Variants in ITGBL1 observed in about 807,000 individuals in gnomAD.
ITGBL1 encodes the protein integrin beta-like protein 1.
In ITGBL1, 51 loss-of-function variants were observed where a neutral mutation model predicts 68.5. The observed-to-expected ratio is 0.74, with a 90% CI of 0.59 to 0.94. The LOEUF (loss-of-function observed/expected upper bound fraction) is 0.94. Ranked by LOEUF, ITGBL1 falls within the 40% of genes least tolerant of loss-of-function variation. ITGBL1 has a pLI of 0.00. For missense variants in ITGBL1, 649 were observed against 647.4 expected (o/e 1.00, Z -0.03); for synonymous variants, 209 against 227.3 (o/e 0.92, Z 0.72).
chr13:101,500,284 C>G (rs1236845500), intron 2 of ITGBL1, among the ~76,000 whole-genome samples: 1 of 152,042 alleles, frequency 6.6e-6, no homozygotes, highest in Non-Finnish European at 1.5e-5. Context: ...CCATTGGATT[C>G]CCATTTATAA....
chr13:101,675,378 G>C (rs968177353), intron 7 of ITGBL1, among the ~76,000 whole-genome samples: 2 of 152,096 alleles, frequency 1.3e-5, no homozygotes, highest in East Asian at 1.9e-4. Context: ...AATTATTAAA[G>C]ACTGAATGGC....
chr13:101,590,346 C>T (rs752017103), intron 6 of ITGBL1, among the ~76,000 whole-genome samples: 9 of 152,214 alleles, frequency 5.9e-5, no homozygotes, highest in Non-Finnish European at 8.8e-5. Flanking sequence ...TCCCTTCAGT[C>T]GTGTGTCTCC....
chr13:101,600,034 G>A (rs2030257941), intron 7 of ITGBL1, among the ~76,000 whole-genome samples: 1 of 152,144 alleles, frequency 6.6e-6, no homozygotes, highest in Non-Finnish European at 1.5e-5. Context: ...GGGCAGTATG[G>A]CCATTTTCAC....
intron 7 of ITGBL1, among the ~76,000 whole-genome samples, chr13:101,631,346 A>C (rs2031971483): frequency 6.6e-6 from 1 of 151,796 alleles, no homozygotes; most frequent in East Asian, 1.9e-4. Context: ...TTTCTTTACA[A>C]ATGAAAAGAA....
At chr13:101,671,689 C>T (rs1205644022) in intron 7 of ITGBL1, among the ~76,000 whole-genome samples, 1 of 151,910 alleles carries the variant, frequency 6.6e-6, no homozygotes, top group Non-Finnish European at 1.5e-5. Context: ...CCGCCCACCT[C>T]TGCCTCCCAA....
At chr13:101,606,188 A>ATT (rs1227395149) in intron 7 of ITGBL1, among the ~76,000 whole-genome samples, 2 of 146,048 alleles carry the variant, frequency 1.4e-5, no homozygotes, top group South Asian at 4.2e-4. Flanking sequence ...ATATATATAT[A>ATT]TATAGCCTTA....
chr13:101,645,766 C>T (rs78194732), intron 7 of ITGBL1, among the ~76,000 whole-genome samples: 3,967 of 152,142 alleles, frequency 0.026, 163 homozygotes, highest in African/African-American at 0.09. Flanking sequence ...AACTGCCTCA[C>T]GCAGGAGGGA....
intron 7 of ITGBL1, among the ~76,000 whole-genome samples, chr13:101,674,207 C>T (rs116435752): frequency 1.3e-3 from 197 of 152,346 alleles, no homozygotes; most frequent in African/African-American, 4.3e-3. Context: ...TGCATGCACA[C>T]GCTTCTGTGA....
chr13:101,619,915 T>C lies in ITGBL1; in HGVS notation c.1015+21616T>C, dbSNP rs2031517063. On this transcript the variant is annotated intron_variant, in intron 7 of 10. Transcript: ENST00000376180. ...TCTTAAAATGAAACCAGTCCTCTTATAACTTTTTCCAAAGCACAACTTTAT... is the reference window on the plus strand; with the variant it reads ...TCTTAAAATGAAACCAGTCCTCTTACAACTTTTTCCAAAGCACAACTTTAT... Among the ~76,000 whole-genome samples the C allele has an allele frequency of 2.0e-5, 3 of 152,170 alleles. No individual in the cohort carries two copies. The South Asian group carries it at 6.2e-4, about 32-fold the overall frequency.
intron 3 of ITGBL1, among the ~76,000 whole-genome samples, chr13:101,574,084 A>G (rs1383629547): frequency 1.3e-5 from 2 of 152,142 alleles, no homozygotes; most frequent in East Asian, 3.9e-4. Context: ...TTTTTGTTAC[A>G]TGACAACCAG....
chr13:101,526,609 G>A (rs906283209), intron 2 of ITGBL1, among the ~76,000 whole-genome samples: 14 of 151,876 alleles, frequency 9.2e-5, no homozygotes, highest in African/African-American at 2.9e-4. Context: ...TAGTTTCTAG[G>A]CGCTCTTTTG....
intron 2 of ITGBL1, among the ~76,000 whole-genome samples, chr13:101,540,192 C>T (rs1184810838): frequency 6.6e-6 from 1 of 152,124 alleles, no homozygotes; most frequent in Admixed American, 6.5e-5. Flanking sequence ...TTAGGTCTAA[C>T]ATTTAAGTCT....
intron 6 of ITGBL1, 119 bp from the exon 7 acceptor site, chr13:101,598,034 G>A (rs2139324516): frequency 1.1e-6 from 1 of 907,146 alleles, no homozygotes; most frequent in Non-Finnish European, 1.6e-6. Flanking sequence ...GCCTTAATAT[G>A]TTATATTATG....
chr13:101,629,736 C>T (rs555389140), intron 7 of ITGBL1, among the ~76,000 whole-genome samples: 16 of 152,042 alleles, frequency 1.1e-4, no homozygotes, highest in East Asian at 1.9e-4. Flanking sequence ...TATAGTGGTC[C>T]TTAAATCCGA....
chr13:101,477,036 T>C (rs2048547942), intron 2 of ITGBL1, among the ~76,000 whole-genome samples: 1 of 152,122 alleles, frequency 6.6e-6, no homozygotes, highest in South Asian at 2.1e-4. Context: ...GGCTGCAAAG[T>C]GCACATGCTT....
intron 7 of ITGBL1, among the ~76,000 whole-genome samples, chr13:101,647,632 A>G (rs2032604787): frequency 6.6e-6 from 1 of 152,190 alleles, no homozygotes; most frequent in Admixed American, 6.5e-5. Flanking sequence ...CTGTGCAGGG[A>G]AAGAGGGTGA....
chr13:101,467,569 T>C (rs1377795639), intron 2 of ITGBL1, among the ~76,000 whole-genome samples: 1 of 152,224 alleles, frequency 6.6e-6, no homozygotes, highest in African/African-American at 2.4e-5. Flanking sequence ...TAAGAAACTA[T>C]ATTTTGTAAT....
chr13:101,513,739 A>G (rs2139117233), intron 2 of ITGBL1, among the ~76,000 whole-genome samples: 1 of 152,142 alleles, frequency 6.6e-6, no homozygotes, highest in African/African-American at 2.4e-5. Context: ...ACCCCATGAA[A>G]TCAAGTTCTG....
At chr13:101,669,096 T>C (rs1338050556) in intron 7 of ITGBL1, among the ~76,000 whole-genome samples, 1 of 151,518 alleles carries the variant, frequency 6.6e-6, no homozygotes, top group Non-Finnish European at 1.5e-5. Flanking sequence ...TACAAGGAAG[T>C]AAGATACCTT....
Sources: gnomAD v4.1 joint callset for allele counts (sites outside exome capture counted in the v4.1 genomes callset) on GRCh38, gnomAD v4.1.1 for gene constraint, MANE v1.5 for transcripts, NCBI Gene and HGNC (gene_info 2026-07-23, HGNC 2026-07-21) for gene names.